The following SCN1A variants were observed in gnomAD, a reference collection of about 807,000 sequenced individuals.
SCN1A encodes sodium channel protein type 1 subunit alpha.
In SCN1A, 13 loss-of-function variants were observed where a neutral mutation model predicts 193.7. That is an observed-to-expected ratio of 0.07 (90% CI 0.04 to 0.11). SCN1A has a LOEUF of 0.11. Among genes scored for constraint, SCN1A ranks in the 10% least tolerant of loss-of-function variants. The pLI is 1.00. For missense variants in SCN1A, 1,432 were observed against 2,451.1 expected, an observed-to-expected ratio of 0.58 and a Z score of 8.78; for synonymous variants, 781 against 843.6, an observed-to-expected ratio of 0.93 and a Z score of 1.29.
intron 19 of SCN1A, among the ~76,000 whole-genome samples, chr2:166,028,699 A>G (rs1267211265): frequency 6.6e-6 from 1 of 152,158 alleles, no homozygotes; most frequent in Non-Finnish European, 1.5e-5. Context: ...CCATCACAGT[A>G]TTGTATTGTT....
chr2:166,054,061 A>G (rs1006133633), intron 7 of SCN1A, among the ~76,000 whole-genome samples: 3 of 152,030 alleles, frequency 2.0e-5, no homozygotes, highest in Non-Finnish European at 2.9e-5. Context: ...AGAAAGAGGC[A>G]GAGAGAATGT....
chr2:166,143,311 C>T (rs1170003499), intron 1 of SCN1A, among the ~76,000 whole-genome samples: 2 of 151,780 alleles, frequency 1.3e-5, no homozygotes, highest in African/African-American at 4.8e-5. Context: ...GGACTACAGG[C>T]GCCTGCCACC....
At chr2:166,148,094 A>G (rs1692395659) in intron 1 of SCN1A, among the ~76,000 whole-genome samples, 1 of 152,188 alleles carries the variant, frequency 6.6e-6, no homozygotes, top group South Asian at 2.1e-4. Flanking sequence ...CATCCTGTCC[A>G]AGGTACTGAA....
Position 166,126,930 on chromosome 2 carries a change from C to G in SCN1A, c.-148G>C, listed in dbSNP as rs1691312220. The G allele has an allele frequency of 6.6e-6, 1 of 152,194 alleles. No individual in the cohort carries two copies. The highest frequency in any genetic ancestry group is 2.4e-5 in the African/African-American group (1 of 41,442). The allele number at this position is 152,194 out of a possible 1,614,324, so 9.4% of individuals were successfully genotyped here. A position where few individuals can be genotyped will look rare whatever the true frequency, so the allele number is the denominator to read the frequency against. ...CGGGTCTTTAAACACATACCTCAAA[C>G]AGGTAGGAGTCAGGAAATCCATGAT... On this transcript the variant is annotated 5_prime_UTR_variant, in exon 2 of 29. Transcript: ENST00000674923.
chr2:166,100,172 T>C (rs879798490), intron 2 of SCN1A, among the ~76,000 whole-genome samples: 2,121 of 137,370 alleles, frequency 0.015, 74 homozygotes, highest in African/African-American at 0.052. Context: ...GAGATATAGA[T>C]CAATGGAACA....
In SCN1A at chr2:166,051,821, C is replaced by G. The variant is rs796052966; in HGVS notation, c.862G>C (p.Glu288Gln). 1 of 1,612,490 alleles carries G rather than the reference C, an allele frequency of 6.2e-7. No homozygotes were observed. The highest frequency in any genetic ancestry group is 1.7e-5 in the Admixed American group (1 of 59,814). ...IQWPPTNASL[E>Q]EHSIEKNITV... ...ATATTCTTTTCTATACTATGTTCCTCCAAGGAAGCATTGGTGGGAGGCCAT... is the reference window on the plus strand; with the variant it reads ...ATATTCTTTTCTATACTATGTTCCTGCAAGGAAGCATTGGTGGGAGGCCAT... The change falls in exon 9 of 29, where the codon GAG becomes CAG. Residue 288 changes from glutamate to glutamine, a missense_variant. This residue lies in a region of SCN1A where 52 missense variants were observed against 59.6 expected (regional missense o/e 0.87). Coordinates refer to ENST00000674923, the MANE Select transcript of SCN1A (RefSeq NM_001165963.4).
At chr2:166,124,718 C>T (rs1399118330) in intron 2 of SCN1A, among the ~76,000 whole-genome samples, 1 of 152,202 alleles carries the variant, frequency 6.6e-6, no homozygotes, top group Admixed American at 6.5e-5. Flanking sequence ...GCTCTACCAT[C>T]ACATGGATGA....
intron 2 of SCN1A, among the ~76,000 whole-genome samples, chr2:166,114,628 T>A (rs1689647931): frequency 6.6e-6 from 1 of 152,202 alleles, no homozygotes; most frequent in Non-Finnish European, 1.5e-5. Context: ...GTAAAATTCT[T>A]GGTATTTTTA....
At chr2:166,137,333 C>T (rs761609950) in intron 1 of SCN1A, among the ~76,000 whole-genome samples, 6 of 152,078 alleles carry the variant, frequency 3.9e-5, no homozygotes, top group Non-Finnish European at 8.8e-5. Flanking sequence ...AATACAGTGC[C>T]TAGTATATGG....
At position 165,992,738 on chromosome 2, in the gene SCN1A, G is replaced by A. The variant is rs540345152; in HGVS notation, c.4853-316C>T. 33 of 163,362 alleles carry A rather than the reference G, an allele frequency of 2.0e-4. No individual in the cohort carries two copies. Among genetic ancestry groups the A allele is most frequent in the Non-Finnish European group, 2.5e-4 (19 of 77,394 alleles). The allele number at this position is 163,362 out of a possible 1,614,324, so 10.1% of individuals were successfully genotyped here. A position where few individuals can be genotyped will look rare whatever the true frequency, so the allele number is the denominator to read the frequency against. ...ATAAGTTAAAAATGCACATTTGGCC[G>A]AACAGTAGCAGCCCAACAGTATAGG... On this transcript the variant is annotated intron_variant, in intron 28 of 28. Transcript: ENST00000674923. This position sits in a 1 kb window ranked among gnomAD's most constrained non-coding sequence, Gnocchi z 6.5.
chr2:166,017,628 C>T (rs1054587227), intron 19 of SCN1A, among the ~76,000 whole-genome samples: 2 of 151,970 alleles, frequency 1.3e-5, no homozygotes, highest in Non-Finnish European at 2.9e-5. Flanking sequence ...ACCATGTGAG[C>T]AACATTTCAT....
downstream of SCN1A, chr2:165,984,650 AG>A (rs1234432661): frequency 6.6e-6 from 1 of 152,128 alleles, no homozygotes; most frequent in African/African-American, 2.4e-5. Context: ...CATAAATAAA[AG>A]TTGCATTCCA....
chr2:166,132,855 A>G (rs1691714520), upstream of SCN1A, among the ~76,000 whole-genome samples: 1 of 152,160 alleles, frequency 6.6e-6, no homozygotes, highest in Non-Finnish European at 1.5e-5. Context: ...GAATTCACTG[A>G]ATCAGAGCTG....
At chr2:166,095,699 T>C (rs901742412) in intron 2 of SCN1A, among the ~76,000 whole-genome samples, 48 of 152,202 alleles carry the variant, frequency 3.2e-4, no homozygotes, top group Non-Finnish European at 4.7e-4. Flanking sequence ...CTAACCAAAC[T>C]TGACACTAGA....
chr2:166,108,791 G>A (rs1688975739), intron 2 of SCN1A, among the ~76,000 whole-genome samples: 2 of 152,164 alleles, frequency 1.3e-5, no homozygotes, highest in Admixed American at 1.3e-4. Context: ...TGATTGCCTA[G>A]GACTGGGAGT....
At chr2:166,039,729 T>C (rs1344806332) in intron 16 of SCN1A, 133 bp from the exon 17 acceptor site, 1 of 776,670 alleles carries the variant, frequency 1.3e-6, no homozygotes, top group Non-Finnish European at 2.1e-6. Context: ...GTATGGCAAT[T>C]TGTAGTTGAT....
chr2:166,126,118 G>A (rs1691219682), intron 2 of SCN1A, among the ~76,000 whole-genome samples: 1 of 152,034 alleles, frequency 6.6e-6, no homozygotes, highest in Non-Finnish European at 1.5e-5. Flanking sequence ...CTGTTCTAGT[G>A]GTTTATAATG....
chr2:166,112,718 G>A lies in SCN1A; in HGVS notation c.-142+14206C>T, dbSNP rs541936371. Among the ~76,000 whole-genome samples the A allele has an allele frequency of 6.6e-5, 10 of 152,132 alleles. No individual in the cohort carries two copies. In the South Asian group the frequency reaches 1.9e-3, roughly 28 times the overall value. ...TTTAGAATCTCTGGAGTGCCTTTTT[G>A]TATGCTAATGAGATGACAAGTGGCT... On this transcript the variant is annotated intron_variant, in intron 2 of 28. Coordinates refer to ENST00000674923, the MANE Select transcript of SCN1A (RefSeq NM_001165963.4).
At chr2:166,063,695 T>C (rs1464581127) in intron 4 of SCN1A, among the ~76,000 whole-genome samples, 1 of 152,054 alleles carries the variant, frequency 6.6e-6, no homozygotes. Flanking sequence ...GATTTTAAAT[T>C]TCCTGAGAGC....
Sources: allele counts gnomAD v4.1 joint callset (sites outside exome capture counted in the v4.1 genomes callset), GRCh38; gene constraint gnomAD v4.1.1; regional missense constraint gnomAD v4.1.1; non-coding constraint Gnocchi (gnomAD v3.1); transcripts MANE v1.5; gene names NCBI Gene and HGNC (gene_info 2026-07-23, HGNC 2026-07-21).